The following UNC5C variants were observed in gnomAD, a reference collection of about 807,000 sequenced individuals.
UNC5C encodes the protein netrin receptor UNC5C.
In UNC5C, 47 loss-of-function variants were observed where a neutral mutation model predicts 99.8. That is an observed-to-expected ratio of 0.47 (90% confidence interval 0.37 to 0.60). The LOEUF (loss-of-function observed/expected upper bound fraction) is 0.60, where lower values mean the gene tolerates loss of function less well. Ranked by LOEUF, UNC5C falls within the 20% of genes least tolerant of loss-of-function variation. The pLI is 0.00. For synonymous variants in UNC5C, 487 were observed against 452.2 expected (o/e 1.08, Z -0.98); for missense variants, 1,062 against 1,165.9 (o/e 0.91, Z 1.30).
intron 14 of UNC5C, among the ~76,000 whole-genome samples, chr4:95,180,409 T>G (rs1293578775): frequency 1.3e-5 from 2 of 152,260 alleles, no homozygotes; most frequent in Non-Finnish European, 2.9e-5. Flanking sequence ...GGTTACTCTC[T>G]CTGCACTTGT....
rs186748241 is a variant in UNC5C at position 95,219,990 on chromosome 4, C to G, written c.1295G>C (p.Arg432Thr). 66 of 1,613,408 alleles carry G rather than the reference C, an allele frequency of 4.1e-5. No homozygotes were observed. Among genetic ancestry groups the G allele is most frequent in the Non-Finnish European group, 5.6e-5 (66 of 1,179,558 alleles). Residue 432 changes from arginine (R) to threonine (T), a missense_variant, in exon 8 of 16, where the codon AGA becomes ACA. Physicochemically the swap from Arg to Thr is moderately conservative, Grantham distance 71. This residue lies in a region of UNC5C where 810 missense variants were observed against 854.5 expected (regional missense o/e 0.95). Transcript: ENST00000453304. ...GFQPVNIKAA[R>T]QDLLAVPPDL... ...GAAGTGGAATGTCAACTGACCTTGT[C>G]TTGCTGCCTTGATGTTCACAGGCTG...
intron 1 of UNC5C, among the ~76,000 whole-genome samples, chr4:95,346,370 C>T (rs1042308243): frequency 6.6e-6 from 1 of 151,922 alleles, no homozygotes; most frequent in Non-Finnish European, 1.5e-5. Context: ...GAACTAATAC[C>T]AATCCTCTCA....
rs536039867 is a variant in UNC5C, at chr4:95,424,518, C to CTTTT, written c.125-88891_125-88888dup. On this transcript the variant is annotated intron_variant, in intron 1 of 15. Coordinates refer to ENST00000453304, the MANE Select transcript of UNC5C (RefSeq NM_003728.4). ...GGCTTCAGAATTTTTTTTTTCTTTT[C>CTTTT]TTTTTTTTTTTTTTTTTTTTTGAGA... 1.2e-3 allele frequency among the ~76,000 whole-genome samples: 84 copies of CTTTT among 67,950 alleles called. 1 individual carries two copies. The highest frequency in any genetic ancestry group is 1.7e-3 in the African/African-American group (28 of 16,818). The allele number at this position is 67,950 out of a possible 152,430, so 44.6% of individuals were successfully genotyped here.
At chr4:95,420,879 C>A (rs1746299757) in intron 1 of UNC5C, among the ~76,000 whole-genome samples, 1 of 152,162 alleles carries the variant, frequency 6.6e-6, no homozygotes, top group South Asian at 2.1e-4. Flanking sequence ...CTGCTTTGAT[C>A]AAATTCTATA....
At position 95,256,699 on chromosome 4, in the gene UNC5C, A is replaced by AATATATATATATATATATATATATATAT. The variant is rs377553615; in HGVS notation, c.595-6033_595-6032insATATATATATATATATATATATATATAT. On this transcript the variant is annotated intron_variant, in intron 4 of 15. Coordinates refer to ENST00000453304, the MANE Select transcript of UNC5C (RefSeq NM_003728.4). ...TTGTCTAGAGGGACAGAACTAAATAAATATATATATATATATATATATGAG... is the reference window on the plus strand; with the variant it reads ...TTGTCTAGAGGGACAGAACTAAATAAATATATATATATATATATATATATATATATATATATATATATATATATATGAG... Among the ~76,000 whole-genome samples, 51 of 90,604 alleles carry AATATATATATATATATATATATATATAT rather than the reference A, an allele frequency of 5.6e-4. 1 individual carries two copies. The highest frequency in any genetic ancestry group is 1.7e-3 in the African/African-American group (46 of 27,756). The allele number at this position is 90,604 out of a possible 152,430, so 59.4% of individuals were successfully genotyped here.
In UNC5C at chr4:95,283,431, C is replaced by G. The variant is rs1741129092; in HGVS notation, c.491-5069G>C. ...GCTTTTAATTCCTGCCGTAAAACCT[C>G]CTCTCTGGCTTTCAGATTGTGTAAT... On this transcript the variant is annotated intron_variant, in intron 3 of 15. Transcript: ENST00000453304. Among the ~76,000 whole-genome samples the G allele has an allele frequency of 1.3e-5, 2 of 152,246 alleles. 1 individual carries two copies. Among genetic ancestry groups the G allele is most frequent in the Admixed American group, 1.3e-4 (2 of 15,292 alleles).
chr4:95,259,614 T>C (rs537168073), intron 4 of UNC5C, among the ~76,000 whole-genome samples: 1 of 152,332 alleles, frequency 6.6e-6, no homozygotes, highest in East Asian at 1.9e-4. Context: ...GAGTTTATAA[T>C]TCTAGAGATG....
chr4:95,440,520 T>C (rs540607394), intron 1 of UNC5C, among the ~76,000 whole-genome samples: 13 of 152,308 alleles, frequency 8.5e-5, no homozygotes, highest in African/African-American at 2.9e-4. Flanking sequence ...TGACTTTTAA[T>C]TAAAGTATGA....
intron 10 of UNC5C, among the ~76,000 whole-genome samples, chr4:95,211,898 T>C (rs1738087154): frequency 6.6e-6 from 1 of 152,190 alleles, no homozygotes; most frequent in Non-Finnish European, 1.5e-5. Flanking sequence ...GATTTCAATA[T>C]ACCTGGACTC....
At chr4:95,412,095 C>T (rs868678439) in intron 1 of UNC5C, among the ~76,000 whole-genome samples, 5 of 151,826 alleles carry the variant, frequency 3.3e-5, no homozygotes, top group African/African-American at 7.3e-5. Context: ...TAGTGTCCTG[C>T]GTGAGCTTCT....
At chr4:95,311,665 G>T (rs1742282111) in intron 2 of UNC5C, among the ~76,000 whole-genome samples, 1 of 152,152 alleles carries the variant, frequency 6.6e-6, no homozygotes, top group South Asian at 2.1e-4. Flanking sequence ...GTCTTGTCCA[G>T]TCATTCATTC....
At chr4:95,483,468 C>G (rs1416231040) in intron 1 of UNC5C, among the ~76,000 whole-genome samples, 3 of 151,876 alleles carry the variant, frequency 2.0e-5, no homozygotes, top group Non-Finnish European at 2.9e-5. Flanking sequence ...CACTAGAAAT[C>G]TTAAATGTAC....
intron 12 of UNC5C, among the ~76,000 whole-genome samples, chr4:95,195,743 G>T (rs1222707804): frequency 6.6e-6 from 1 of 152,044 alleles, no homozygotes; most frequent in South Asian, 2.1e-4. Flanking sequence ...CTAGACTTCC[G>T]CCAACCTCCT....
intron 3 of UNC5C, among the ~76,000 whole-genome samples, chr4:95,292,236 CATATATATATATATAT>C (rs71583696): frequency 3.4e-5 from 3 of 88,744 alleles, no homozygotes; most frequent in Admixed American, 1.2e-4. Context: ...CACACACACA[CATATATATATATATAT>C]ATATATATAT....
chr4:95,353,949 A>G (rs1264532207), intron 1 of UNC5C, among the ~76,000 whole-genome samples: 1 of 152,172 alleles, frequency 6.6e-6, no homozygotes, highest in Admixed American at 6.6e-5. Context: ...TGAAAAGTAC[A>G]GAAGTCCATA....
intron 1 of UNC5C, among the ~76,000 whole-genome samples, chr4:95,454,214 C>T (rs571829490): frequency 5.3e-5 from 8 of 152,124 alleles, no homozygotes; most frequent in Non-Finnish European, 1.0e-4. Context: ...TACTTTGTGG[C>T]AGTTTGAAAT....
chr4:95,177,253 G>C (rs1348303475), intron 14 of UNC5C, among the ~76,000 whole-genome samples: 1 of 152,170 alleles, frequency 6.6e-6, no homozygotes, highest in Non-Finnish European at 1.5e-5. Context: ...CTATTCGGCT[G>C]TCTCTCTCTT....
chr4:95,421,486 G>A (rs575384373), intron 1 of UNC5C, among the ~76,000 whole-genome samples: 3 of 139,422 alleles, frequency 2.2e-5, no homozygotes, highest in Non-Finnish European at 4.9e-5. Context: ...TACTATGGTA[G>A]ATTTTTTTTT....
intron 2 of UNC5C, among the ~76,000 whole-genome samples, chr4:95,331,341 G>T (rs111978371): frequency 1.8e-3 from 268 of 152,146 alleles, no homozygotes; most frequent in African/African-American, 6.2e-3. Context: ...GCCAAGTAGT[G>T]GTATTGCTGG....
Sources: gnomAD v4.1 joint callset for allele counts (sites outside exome capture counted in the v4.1 genomes callset) on GRCh38, gnomAD v4.1.1 for gene constraint, gnomAD v4.1.1 regional missense constraint, MANE v1.5 for transcripts, NCBI Gene and HGNC (gene_info 2026-07-23, HGNC 2026-07-21) for gene names.